Variants in SP140L observed in about 807,000 individuals in gnomAD.
The protein encoded by SP140L is nuclear body protein SP140-like protein.
Under a neutral mutation model 84.3 loss-of-function variants are expected in SP140L, and 64 were observed. The observed-to-expected ratio is 0.76, with a 90% CI of 0.62 to 0.94. The LOEUF is 0.94. Ranked by LOEUF, SP140L falls within the 40% of genes least tolerant of loss-of-function variation. The probability of loss-of-function intolerance (pLI) is 0.00; values close to 1 mark genes in which losing one functional copy is unlikely to be tolerated. For missense variants in SP140L, 628 were observed against 692.5 expected (o/e 0.91, Z 1.05); for synonymous variants, 242 against 236.9 (o/e 1.02, Z -0.20).
At chr2:230,381,709 T>TACA in intron 7 of SP140L, among the ~76,000 whole-genome samples, 1 of 110,470 alleles carries the variant, frequency 9.1e-6, no homozygotes, top group South Asian at 3.5e-4. Flanking sequence ...ACCCTGTCTC[T>TACA]CTACACACAC....
chr2:230,335,178 C>G (rs2149680049), intron 2 of SP140L, among the ~76,000 whole-genome samples: 1 of 152,080 alleles, frequency 6.6e-6, no homozygotes, highest in South Asian at 2.1e-4. Flanking sequence ...ATAATTAAAT[C>G]TTGCTTAACA....
intron 2 of SP140L, among the ~76,000 whole-genome samples, chr2:230,340,860 C>T (rs1478137244): frequency 4.8e-4 from 70 of 147,332 alleles, no homozygotes; most frequent in East Asian, 3.0e-3. Flanking sequence ...CTGAGAGATC[C>T]GCTGTTAGTC....
At chr2:230,330,396 G>A (rs562645862) in intron 2 of SP140L, among the ~76,000 whole-genome samples, 9 of 152,258 alleles carry the variant, frequency 5.9e-5, no homozygotes, top group South Asian at 2.1e-4. Context: ...CCACACTGCC[G>A]TAGCGATGGA....
At chr2:230,347,088 C>T (rs1490841610) in intron 2 of SP140L, among the ~76,000 whole-genome samples, 4 of 152,178 alleles carry the variant, frequency 2.6e-5, no homozygotes, top group South Asian at 4.1e-4. Flanking sequence ...CTGGTAGCAT[C>T]CATGAATAGT....
rs138807783 is a variant in SP140L, at chr2:230,369,632, C to T, written c.524-1276C>T. ...AACACGGGCTTTCTGGAGGGGGCTGCGGCTGATTGGCTGGCCTTCAGATGT... is the reference window on the plus strand; with the variant it reads ...AACACGGGCTTTCTGGAGGGGGCTGTGGCTGATTGGCTGGCCTTCAGATGT... On this transcript the variant is annotated intron_variant, in intron 5 of 18. Transcript: ENST00000415673. 5.4e-3 allele frequency among the ~76,000 whole-genome samples: 822 copies of T among 152,320 alleles called. 5 individuals carry two copies. Among genetic ancestry groups the T allele is most frequent in the African/African-American group, 0.018 (743 of 41,568 alleles).
At chr2:230,354,921 G>GAGAAAGAAGAAAGAA (rs2060495048) in intron 2 of SP140L, among the ~76,000 whole-genome samples, 1 of 110,592 alleles carries the variant, frequency 9.0e-6, no homozygotes, top group African/African-American at 3.3e-5. Flanking sequence ...GAAAGAAAAA[G>GAGAAAGAAGAAAGAA]AAAGAAAAAA....
At chr2:230,378,649 A>G (rs1211587605) in intron 7 of SP140L, among the ~76,000 whole-genome samples, 1 of 152,246 alleles carries the variant, frequency 6.6e-6, no homozygotes, top group Non-Finnish European at 1.5e-5. Context: ...TGTGGAAAAC[A>G]ATATGAATTG....
chr2:230,396,066 G>A, intron 13 of SP140L, among the ~76,000 whole-genome samples: 1 of 152,184 alleles, frequency 6.6e-6, no homozygotes, highest in Non-Finnish European at 1.5e-5. Context: ...TAAATTCTCA[G>A]CCTGATTATT....
At position 230,383,517 on chromosome 2, in the gene SP140L, G is replaced by A. The variant is rs1286818810; in HGVS notation, c.645G>A (p.Lys215=). 3.1e-6 allele frequency: 5 copies of A among 1,603,666 alleles called. No individual in the cohort carries two copies. The African/African-American group carries it at 6.7e-5, about 21-fold the overall frequency. Residue 215 remains lysine (K), a synonymous_variant, in exon 8 of 19, where the codon AAG becomes AAA. Coordinates refer to ENST00000415673, the MANE Select transcript of SP140L (RefSeq NM_138402.6). ...LGKPKRKRRK[K]KGHGWSRMGT... is the part of the protein sequence containing the mutation. ...ATTCTCTTTGGTTTGAAGGAAAAAA[G>A]AAGGGGCATGGCTGGAGCAGAATGG...
At chr2:230,357,212 A>G in intron 2 of SP140L, among the ~76,000 whole-genome samples, 1 of 152,212 alleles carries the variant, frequency 6.6e-6, no homozygotes, top group East Asian at 1.9e-4. Context: ...ACAAAGCAGA[A>G]CCAGATGTTC....
At chr2:230,358,038 T>C in intron 3 of SP140L, 71 bp downstream of exon 3, 1 of 1,551,706 alleles carries the variant, frequency 6.4e-7, no homozygotes, top group Non-Finnish European at 8.8e-7. Context: ...TAAGTGCTCC[T>C]GTAAAGTAGA....
intron 2 of SP140L, among the ~76,000 whole-genome samples, chr2:230,355,167 G>A (rs570356875): frequency 1.2e-4 from 19 of 152,190 alleles, no homozygotes; most frequent in African/African-American, 3.6e-4. Flanking sequence ...CAGTGAATCC[G>A]TCTTTATTTG....
intron 9 of SP140L, 92 bp downstream of exon 9, chr2:230,385,396 G>A: frequency 8.8e-7 from 1 of 1,139,676 alleles, no homozygotes; most frequent in South Asian, 1.5e-5. Flanking sequence ...TTGTTTACTA[G>A]TCAAACTTAG....
intron 2 of SP140L, among the ~76,000 whole-genome samples, chr2:230,347,601 T>C (rs2060247202): frequency 6.6e-6 from 1 of 152,180 alleles, no homozygotes; most frequent in Non-Finnish European, 1.5e-5. Context: ...GCAGGGTTAC[T>C]ATTTGGGCTT....
chr2:230,375,688 T>A (rs2061221515), intron 7 of SP140L, among the ~76,000 whole-genome samples: 1 of 152,216 alleles, frequency 6.6e-6, no homozygotes, highest in African/African-American at 2.4e-5. Context: ...TGGCTATTTA[T>A]ATGTCTTCTT....
intron 2 of SP140L, among the ~76,000 whole-genome samples, chr2:230,349,299 A>G (rs1266053672): frequency 6.6e-6 from 1 of 152,220 alleles, no homozygotes; most frequent in African/African-American, 2.4e-5. Context: ...AAGAAAGTAT[A>G]AATCTTCCAA....
chr2:230,366,546 C>A (rs557378064), intron 5 of SP140L, among the ~76,000 whole-genome samples: 1 of 151,466 alleles, frequency 6.6e-6, no homozygotes, highest in South Asian at 2.1e-4. Flanking sequence ...GCCATAGATA[C>A]TTGAGTTTTT....
intron 4 of SP140L, among the ~76,000 whole-genome samples, chr2:230,360,586 G>T (rs189099009): frequency 6.6e-6 from 1 of 152,222 alleles, no homozygotes; most frequent in East Asian, 1.9e-4. Context: ...CGGGGATGAA[G>T]GGAATAGTGT....
At chr2:230,340,493 T>G (rs2060008010) in intron 2 of SP140L, among the ~76,000 whole-genome samples, 1 of 146,988 alleles carries the variant, frequency 6.8e-6, no homozygotes, top group African/African-American at 2.5e-5. Flanking sequence ...CCATTTACAT[T>G]TAAAGTTAAT....
Sources: gnomAD v4.1 joint callset for allele counts (sites outside exome capture counted in the v4.1 genomes callset) on GRCh38, gnomAD v4.1.1 for gene constraint, MANE v1.5 for transcripts, NCBI Gene and HGNC (gene_info 2026-07-23, HGNC 2026-07-21) for gene names.